VPS26C: variants seen among roughly 807,000 people sequenced by gnomAD.
VPS26C encodes vacuolar protein sorting-associated protein 26C.
Under a neutral mutation model 30.6 loss-of-function variants are expected in VPS26C, and 19 were observed. That is an observed-to-expected ratio of 0.62 (90% CI 0.43 to 0.91). The LOEUF is 0.91. VPS26C is among the 40% of genes least tolerant of loss of function. The pLI is 0.00. For missense variants in VPS26C, 318 were observed against 385.1 expected (o/e 0.83, Z 1.46); for synonymous variants, 132 against 151.5 (o/e 0.87, Z 0.95).
At chr21:37,227,829 C>G in intron 6 of VPS26C, 23 bp from the exon 7 acceptor site, 2 of 1,586,848 alleles carry the variant, frequency 1.3e-6, no homozygotes, top group South Asian at 2.2e-5. Flanking sequence ...GGCCACATCA[C>G]GCGGTCAGGG....
Position 37,233,369 on chromosome 21 carries a change from T to G in VPS26C, c.425A>C (p.His142Pro). ...DLTKTCEFIV[H>P]SAPQKGKFTP... ...TCCCCGAGTGAAGCTTACAGCGGAGTGAACGATAAATTCACAGGTCTTTGT... is the reference window on the plus strand; with the variant it reads ...TCCCCGAGTGAAGCTTACAGCGGAGGGAACGATAAATTCACAGGTCTTTGT... Residue 142 changes from histidine to proline, a missense_variant, in exon 4 of 8, where the codon CAC becomes CCC. Coordinates refer to ENST00000309117, the MANE Select transcript of VPS26C (RefSeq NM_006052.2). The surrounding 1 kb of genome is among the most constrained non-coding windows in gnomAD (Gnocchi z 5.2). 1 of 1,613,864 alleles carries G rather than the reference T, an allele frequency of 6.2e-7. No individual in the cohort carries two copies. Among genetic ancestry groups the G allele is most frequent in the Non-Finnish European group, 8.5e-7 (1 of 1,179,890 alleles).
rs566721122 is a variant in VPS26C at position 37,226,022 on chromosome 21, G to A, written c.812-396C>T. 4.9e-5 allele frequency: 10 copies of A among 204,218 alleles called. No individual in the cohort carries two copies. The highest frequency in any genetic ancestry group is 2.2e-3 in the Middle Eastern group (1 of 460). 12.7% of individuals were successfully genotyped at this position (204,218 alleles called of 1,614,324 possible). A position where few individuals can be genotyped will look rare whatever the true frequency, so the allele number is the denominator to read the frequency against. ...ATGAAATAGCAGACTGTGAACCAGC[G>A]CATAGCTGTCTGGGCCCATGTCCCC... is the stretch of plus-strand genomic sequence containing the variant. On this transcript the variant is annotated intron_variant, in intron 7 of 7. Transcript: ENST00000309117. This position sits in a 1 kb window ranked among gnomAD's most constrained non-coding sequence, Gnocchi z 4.1.
chr21:37,228,540 A>C, intron 5 of VPS26C, 167 bp from the exon 6 acceptor site: 1 of 651,364 alleles, frequency 1.5e-6, no homozygotes. Flanking sequence ...CGTCTTGGAC[A>C]TTAGCCGGCT....
chr21:37,235,949 G>A (rs1345347878), intron 3 of VPS26C, among the ~76,000 whole-genome samples: 1 of 148,772 alleles, frequency 6.7e-6, no homozygotes, highest in Non-Finnish European at 1.5e-5. Flanking sequence ...GGCTGGACTT[G>A]AACTTCTGGG....
At chr21:37,255,090 T>G (rs1166570439) in intron 1 of VPS26C, among the ~76,000 whole-genome samples, 2 of 152,204 alleles carry the variant, frequency 1.3e-5, no homozygotes, top group East Asian at 3.9e-4. Context: ...AATATATATT[T>G]TCAATTTACA....
intron 1 of VPS26C, among the ~76,000 whole-genome samples, chr21:37,265,653 G>A (rs1175438252): frequency 6.6e-6 from 1 of 151,984 alleles, no homozygotes; most frequent in East Asian, 1.9e-4. Context: ...TGATATTTCC[G>A]AAGAATCCAC....
intron 1 of VPS26C, among the ~76,000 whole-genome samples, chr21:37,247,313 A>G (rs923479526): frequency 1.3e-5 from 2 of 152,200 alleles, no homozygotes; most frequent in Non-Finnish European, 2.9e-5. Context: ...GACGAATACT[A>G]TAAGTAACTA....
Position 37,247,296 on chromosome 21 carries a change from A to G in VPS26C, c.58-6657T>C, listed in dbSNP as rs2086146966. Among the ~76,000 whole-genome samples the G allele has an allele frequency of 1.3e-5, 2 of 152,200 alleles. 1 individual carries two copies. Among genetic ancestry groups the G allele is most frequent in the African/African-American group, 4.8e-5 (2 of 41,448 alleles). On this transcript the variant is annotated intron_variant, in intron 1 of 7. Coordinates refer to ENST00000309117, the MANE Select transcript of VPS26C (RefSeq NM_006052.2). ...TCGTACAAATAAACTTAACAGAAGT[A>G]AACAACGACGAATACTATAAGTAAC...
At chr21:37,244,034 C>A (rs781294761) in intron 1 of VPS26C, among the ~76,000 whole-genome samples, 16 of 152,194 alleles carry the variant, frequency 1.1e-4, no homozygotes, top group Non-Finnish European at 2.1e-4. Context: ...CCACTCAGAG[C>A]CTGCTTCGAG....
At chr21:37,232,713 A>G (rs1167184168) in intron 4 of VPS26C, 36 of 564,734 alleles carry the variant, frequency 6.4e-5, no homozygotes, top group Non-Finnish European at 1.1e-4. Flanking sequence ...TTAAAATCAG[A>G]TCTAAGAAAC....
intron 1 of VPS26C, among the ~76,000 whole-genome samples, chr21:37,247,087 T>C (rs1200038248): frequency 6.6e-6 from 1 of 152,198 alleles, no homozygotes; most frequent in Non-Finnish European, 1.5e-5. Flanking sequence ...GTAAGCCATA[T>C]GTGACTATTG....
chr21:37,258,387 A>G (rs114624162), intron 1 of VPS26C, among the ~76,000 whole-genome samples: 2,140 of 152,102 alleles, frequency 0.014, 55 homozygotes, highest in African/African-American at 0.048. Flanking sequence ...CTGGCGCCAA[A>G]AGGAACATGC....
At chr21:37,249,235 GAA>G (rs759630960) in intron 1 of VPS26C, among the ~76,000 whole-genome samples, 3 of 152,180 alleles carry the variant, frequency 2.0e-5, no homozygotes, top group Non-Finnish European at 4.4e-5. Context: ...ACTAGAGAGA[GAA>G]AGAGGTAATT....
intron 1 of VPS26C, among the ~76,000 whole-genome samples, chr21:37,247,138 C>T (rs2086145509): frequency 6.6e-6 from 1 of 152,188 alleles, no homozygotes; most frequent in Admixed American, 6.5e-5. Context: ...CAGGACCTTC[C>T]ATTTCAAGTG....
chr21:37,238,616 A>G lies in VPS26C; in HGVS notation c.202-7T>C. 1 of 1,613,834 alleles carries G rather than the reference A, an allele frequency of 6.2e-7. No individual in the cohort carries two copies. Among genetic ancestry groups the G allele is most frequent in the African/African-American group, 1.3e-5 (1 of 75,020 alleles). On this transcript the variant is annotated splice_region_variant and splice_polypyrimidine_tract_variant and intron_variant, in intron 2 of 7. Transcript: ENST00000309117. ...TGTTGATAATCTGGATAGGCTGTAA[A>G]CAAAAATCAGTTCAGTCCATCAGCA...
intron 1 of VPS26C, among the ~76,000 whole-genome samples, chr21:37,253,973 G>A (rs1945791043): frequency 6.6e-6 from 1 of 152,212 alleles, no homozygotes; most frequent in Admixed American, 6.5e-5. Flanking sequence ...CCAACTTGTA[G>A]GTTTACAAAG....
At chr21:37,262,020 G>T (rs1029550893) in intron 1 of VPS26C, 5 of 151,726 alleles carry the variant, frequency 3.3e-5, no homozygotes, top group African/African-American at 7.3e-5. Flanking sequence ...TTTTTAAAAA[G>T]GAGGCTACAA....
chr21:37,261,944 A>G (rs1395497147), intron 1 of VPS26C: 1 of 152,164 alleles, frequency 6.6e-6, no homozygotes, highest in East Asian at 1.9e-4. Flanking sequence ...TCACCTATTA[A>G]AAAGAAAAAT....
chr21:37,247,762 G>A (rs555468598), intron 1 of VPS26C, among the ~76,000 whole-genome samples: 45 of 152,246 alleles, frequency 3.0e-4, no homozygotes, highest in Non-Finnish European at 5.3e-4. Flanking sequence ...GATAAACAAA[G>A]GCAAAGAAAG....
Sources: allele counts gnomAD v4.1 joint callset (sites outside exome capture counted in the v4.1 genomes callset), GRCh38; gene constraint gnomAD v4.1.1; non-coding constraint Gnocchi (gnomAD v3.1); transcripts MANE v1.5; gene names NCBI Gene and HGNC (gene_info 2026-07-23, HGNC 2026-07-21).